CTNNBL1: variants seen among roughly 807,000 people sequenced by gnomAD.
The protein encoded by CTNNBL1 is catenin beta like 1.
A neutral mutation model predicts 72.7 loss-of-function variants in CTNNBL1; 31 were observed. That is an observed-to-expected ratio of 0.43 (90% confidence interval 0.32 to 0.58). CTNNBL1 has a LOEUF of 0.58. Among genes scored for constraint, CTNNBL1 ranks in the 20% least tolerant of loss-of-function variants. The pLI is 0.08. For missense variants in CTNNBL1, 534 were observed against 725.1 expected, an observed-to-expected ratio of 0.74 and a Z score of 3.03; for synonymous variants, 240 against 267.3, an observed-to-expected ratio of 0.90 and a Z score of 1.00.
At chr20:37,797,594 C>A (rs545952148) in intron 10 of CTNNBL1, among the ~76,000 whole-genome samples, 1 of 152,230 alleles carries the variant, frequency 6.6e-6, no homozygotes, top group South Asian at 2.1e-4. Context: ...CATAAAAGTT[C>A]AAGCTGGACA....
intron 1 of CTNNBL1, among the ~76,000 whole-genome samples, chr20:37,728,266 CAAAT>C (rs1156941474): frequency 6.6e-6 from 1 of 152,080 alleles, no homozygotes; most frequent in Non-Finnish European, 1.5e-5. Flanking sequence ...TGTAAAATAA[CAAAT>C]GAATAATTTT....
chr20:37,762,738 A>AT, intron 5 of CTNNBL1, among the ~76,000 whole-genome samples: 1 of 152,184 alleles, frequency 6.6e-6, no homozygotes, highest in Non-Finnish European at 1.5e-5. Context: ...TAATATAAAT[A>AT]TTTTTTGAAG....
intron 1 of CTNNBL1, among the ~76,000 whole-genome samples, chr20:37,703,927 G>A (rs2072864763): frequency 6.6e-6 from 1 of 151,980 alleles, no homozygotes; most frequent in Admixed American, 6.6e-5. Flanking sequence ...ACAGGCATGT[G>A]CCACCACGCC....
intron 1 of CTNNBL1, among the ~76,000 whole-genome samples, chr20:37,724,350 CT>C (rs762460306): frequency 2.0e-5 from 3 of 152,166 alleles, no homozygotes; most frequent in Non-Finnish European, 4.4e-5. Flanking sequence ...AGAAGGATTG[CT>C]GTCTTGAAAA....
chr20:37,793,913 T>C (rs1004593692), intron 10 of CTNNBL1, among the ~76,000 whole-genome samples: 1 of 152,124 alleles, frequency 6.6e-6, no homozygotes, highest in African/African-American at 2.4e-5. Flanking sequence ...CCCGAGTAGC[T>C]GGGACTACAG....
intron 11 of CTNNBL1, among the ~76,000 whole-genome samples, chr20:37,827,921 AC>A (rs1331527123): frequency 6.6e-6 from 1 of 151,690 alleles, no homozygotes; most frequent in African/African-American, 2.4e-5. Context: ...CCTGCAGCCC[AC>A]CCCATGCCAT....
intron 11 of CTNNBL1, among the ~76,000 whole-genome samples, chr20:37,836,813 T>C (rs571787985): frequency 6.6e-6 from 1 of 152,304 alleles, no homozygotes; most frequent in East Asian, 1.9e-4. Context: ...AAGTCACTTC[T>C]CTCTGGCCTC....
chr20:37,726,510 T>C (rs1008716924), intron 1 of CTNNBL1, among the ~76,000 whole-genome samples: 1 of 152,172 alleles, frequency 6.6e-6, no homozygotes, highest in African/African-American at 2.4e-5. Context: ...TCTATTAATA[T>C]AAAGAGAGAG....
At position 37,703,996 on chromosome 20, in the gene CTNNBL1, C is replaced by T. The variant is rs1331669243; in HGVS notation, c.30+9844C>T. On this transcript the variant is annotated intron_variant, in intron 1 of 15. Coordinates refer to ENST00000361383, the MANE Select transcript of CTNNBL1 (RefSeq NM_030877.5). The stretch of plus-strand genomic sequence containing the variant: ...TTCTCCGTGTTGGTCAGGTTGGTCT[C>T]GAACTCCTGACCTCAGGTGATCCAC... Among the ~76,000 whole-genome samples, 28 of 152,030 alleles carry T rather than the reference C, an allele frequency of 1.8e-4. 1 individual carries two copies. The highest frequency in any genetic ancestry group is 5.9e-5 in the Non-Finnish European group (4 of 68,022).
At chr20:37,728,092 C>T (rs1233843158) in intron 1 of CTNNBL1, among the ~76,000 whole-genome samples, 9 of 152,120 alleles carry the variant, frequency 5.9e-5, no homozygotes, top group African/African-American at 2.2e-4. Flanking sequence ...TATCAGGGAG[C>T]TGGAACCCTT....
At chr20:37,731,809 A>G (rs1359938517) in intron 1 of CTNNBL1, among the ~76,000 whole-genome samples, 1 of 151,968 alleles carries the variant, frequency 6.6e-6, no homozygotes, top group African/African-American at 2.4e-5. Context: ...TTTTTTATCC[A>G]TTCATCTAGT....
intron 15 of CTNNBL1, among the ~76,000 whole-genome samples, chr20:37,870,490 GC>G (rs1264639761): frequency 6.6e-6 from 1 of 152,084 alleles, no homozygotes; most frequent in East Asian, 1.9e-4. Flanking sequence ...CTTGGTGATT[GC>G]AACATCCATA....
intron 3 of CTNNBL1, among the ~76,000 whole-genome samples, chr20:37,738,522 T>C (rs2073188620): frequency 6.6e-6 from 1 of 152,188 alleles, no homozygotes; most frequent in South Asian, 2.1e-4. Context: ...TCTCTTTCTT[T>C]CCCTATCTTT....
chr20:37,810,486 A>C (rs2072001608), intron 11 of CTNNBL1, among the ~76,000 whole-genome samples: 1 of 152,206 alleles, frequency 6.6e-6, no homozygotes, highest in African/African-American at 2.4e-5. Context: ...TAACATTGTC[A>C]GTTAAATTTC....
intron 10 of CTNNBL1, among the ~76,000 whole-genome samples, chr20:37,788,714 C>T (rs988944267): frequency 1.3e-5 from 2 of 152,224 alleles, no homozygotes; most frequent in Non-Finnish European, 2.9e-5. Context: ...GTTATCCTCC[C>T]AGGTATTTAG....
Position 37,860,237 on chromosome 20 carries a change from G to T in CTNNBL1, c.1531-35G>T, listed in dbSNP as rs548813821. The T allele has an allele frequency of 1.3e-5, 20 of 1,581,604 alleles. No homozygotes were observed. The South Asian group carries it at 2.0e-4, about 16-fold the overall frequency. On this transcript the variant is annotated intron_variant, in intron 14 of 15. Transcript: ENST00000361383. ...TTCTGGTGTGTCAGGACAAATGGTTGTCTTTCTTTCTCTACCCATTTTTTC... is the reference window on the plus strand; with the variant it reads ...TTCTGGTGTGTCAGGACAAATGGTTTTCTTTCTTTCTCTACCCATTTTTTC...
intron 1 of CTNNBL1, among the ~76,000 whole-genome samples, chr20:37,732,532 A>G (rs1385280164): frequency 2.6e-5 from 4 of 152,228 alleles, no homozygotes; most frequent in African/African-American, 9.6e-5. Context: ...GTATAAAAAA[A>G]TTCCCACTGA....
chr20:37,701,374 C>T (rs1224238444), intron 1 of CTNNBL1, among the ~76,000 whole-genome samples: 1 of 152,108 alleles, frequency 6.6e-6, no homozygotes, highest in Non-Finnish European at 1.5e-5. Context: ...TAGTATTTAC[C>T]ATGTGCCATC....
At chr20:37,704,077 A>G (rs1600431621) in intron 1 of CTNNBL1, among the ~76,000 whole-genome samples, 2 of 152,212 alleles carry the variant, frequency 1.3e-5, no homozygotes, top group African/African-American at 2.4e-5. Flanking sequence ...GTGCCCGGCC[A>G]TGGTTCTTTT....
Sources: allele counts gnomAD v4.1 joint callset (sites outside exome capture counted in the v4.1 genomes callset), GRCh38; gene constraint gnomAD v4.1.1; transcripts MANE v1.5; gene names NCBI Gene and HGNC (gene_info 2026-07-23, HGNC 2026-07-21).